Variants in NBPF12 observed in about 807,000 individuals in gnomAD.
NBPF12 encodes NBPF member 12, also known as NBPF family member NBPF12.
A neutral mutation model predicts 146.4 loss-of-function variants in NBPF12; 115 were observed. The observed-to-expected ratio is 0.79, with a 90% CI of 0.68 to 0.92. NBPF12 has a LOEUF of 0.92. Among genes scored for constraint, NBPF12 ranks in the 40% least tolerant of loss-of-function variants. NBPF12 has a pLI of 0.00. For synonymous variants in NBPF12, 385 were observed against 508.9 expected (o/e 0.76, Z 3.28); for missense variants, 1,205 against 1,326.8 (o/e 0.91, Z 1.43).
intron 11 of NBPF12, among the ~76,000 whole-genome samples, chr1:146,970,086 A>T (rs1269234214): frequency 6.7e-6 from 1 of 149,910 alleles, no homozygotes; most frequent in Non-Finnish European, 1.5e-5. Context: ...TTTCAAAATG[A>T]GATGAAGCCC....
At chr1:146,966,079 C>T (rs1178666194) in intron 8 of NBPF12, among the ~76,000 whole-genome samples, 3 of 151,738 alleles carry the variant, frequency 2.0e-5, no homozygotes, top group Non-Finnish European at 4.4e-5. Flanking sequence ...TGCACTGCAG[C>T]CTGCGCGACA....
intron 1 of NBPF12, among the ~76,000 whole-genome samples, chr1:146,940,630 T>A (rs1654758430): frequency 6.6e-6 from 1 of 151,758 alleles, no homozygotes; most frequent in Non-Finnish European, 1.5e-5. Context: ...AGAACATTAC[T>A]ATATTGGGGT....
chr1:146,970,638 T>G lies in NBPF12; in HGVS notation c.1307-9T>G. 1 of 1,549,820 alleles carries G rather than the reference T, an allele frequency of 6.5e-7. No homozygotes were observed. Among genetic ancestry groups the G allele is most frequent in the African/African-American group, 1.4e-5 (1 of 72,608 alleles). On this transcript the variant is annotated splice_polypyrimidine_tract_variant and intron_variant, in intron 11 of 33. Transcript: ENST00000617844. ...GGAAAATATCTGAACGAACATTTTGTATTTATAGAAAATGATGAAGATGAG... is the reference window on the plus strand; with the variant it reads ...GGAAAATATCTGAACGAACATTTTGGATTTATAGAAAATGATGAAGATGAG...
intron 31 of NBPF12, 150 bp from the exon 35 acceptor site, chr1:146,992,562 C>T (rs1658267869): frequency 8.5e-5 from 50 of 586,958 alleles, no homozygotes; most frequent in South Asian, 6.2e-4. Context: ...TGTTCTGTCC[C>T]AACATGAAGG....
chr1:146,953,818 C>G (rs1258708364), intron 2 of NBPF12, among the ~76,000 whole-genome samples: 1 of 150,830 alleles, frequency 6.6e-6, no homozygotes, highest in Non-Finnish European at 1.5e-5. Flanking sequence ...CAGCATTATA[C>G]TAGAGCTCTA....
chr1:146,964,353 A>C lies in NBPF12; in HGVS notation c.494-4A>C. 1 of 1,603,104 alleles carries C rather than the reference A, an allele frequency of 6.2e-7. No homozygotes were observed. Among genetic ancestry groups the C allele is most frequent in the South Asian group, 1.1e-5 (1 of 90,816 alleles). ...ATATCTGAATGAACATTTTGTATTTATAGAAAATGATGAAGATGAGGATGA... is the reference window on the plus strand; with the variant it reads ...ATATCTGAATGAACATTTTGTATTTCTAGAAAATGATGAAGATGAGGATGA... On this transcript the variant is annotated splice_polypyrimidine_tract_variant and splice_region_variant and intron_variant, in intron 6 of 33. Transcript: ENST00000617844.
In NBPF12 at chr1:146,969,291, G is replaced by T. The variant is rs1184584098; in HGVS notation, c.1092-91G>T. The T allele has an allele frequency of 9.8e-6, 7 of 711,472 alleles. No homozygotes were observed. In the African/African-American group the frequency reaches 1.1e-4, roughly 11 times the overall value. The allele number at this position is 711,472 out of a possible 1,614,324, so 44.1% of individuals were successfully genotyped here. A position where few individuals can be genotyped will look rare whatever the true frequency, so the allele number is the denominator to read the frequency against. ...TGACCTTCTGCTTGGAGGTCTCCTT[G>T]AGGACATTGTCTCAGAAATCTCTGT... is the stretch of plus-strand genomic sequence containing the variant. On this transcript the variant is annotated intron_variant, in intron 10 of 33. Transcript: ENST00000617844.
intron 8 of NBPF12, among the ~76,000 whole-genome samples, chr1:146,965,423 T>C (rs1656123032): frequency 6.6e-6 from 1 of 150,466 alleles, no homozygotes; most frequent in South Asian, 2.1e-4. Context: ...TGGGCTGAGA[T>C]GATCCTCCCA....
chr1:146,950,464 C>T (rs1231422552), intron 1 of NBPF12, among the ~76,000 whole-genome samples: 8 of 151,624 alleles, frequency 5.3e-5, no homozygotes, highest in Admixed American at 4.6e-4. Flanking sequence ...AGTCACTAAC[C>T]CAAAATAGTT....
At chr1:146,945,819 AC>A, upstream of NBPF12, among the ~76,000 whole-genome samples, 1 of 152,160 alleles carries the variant, frequency 6.6e-6, no homozygotes, top group Non-Finnish European at 1.5e-5. Context: ...TCCATAGTTT[AC>A]GTTAGAGTTC....
exon 34 of NBPF12, chr1:146,994,516 A>T (rs1658416543): frequency 7.5e-6 from 12 of 1,609,296 alleles, no homozygotes; most frequent in Non-Finnish European, 1.0e-5. Context: ...TAGCTTTTTT[A>T]CTTTGACGGT....
At chr1:146,960,544 C>A (rs1170377824) in intron 4 of NBPF12, among the ~76,000 whole-genome samples, 1 of 151,982 alleles carries the variant, frequency 6.6e-6, no homozygotes, top group Non-Finnish European at 1.5e-5. Context: ...GAGTTAAACT[C>A]ACAGTTACTG....
At chr1:146,954,969 AATATATATAT>A (rs1171967177) in intron 2 of NBPF12, among the ~76,000 whole-genome samples, 1,411 of 53,452 alleles carry the variant, frequency 0.026, 82 homozygotes, top group African/African-American at 0.079. Context: ...CCAAATAGGG[AATATATATAT>A]ATATATATAT....
At chr1:146,977,212 T>G (rs1657099283) in intron 17 of NBPF12, among the ~76,000 whole-genome samples, 1 of 137,072 alleles carries the variant, frequency 7.3e-6, no homozygotes, top group African/African-American at 2.8e-5. Flanking sequence ...CAGGGATAGC[T>G]GAGTCTTCAT....
At chr1:146,967,152 T>G (rs1370397967) in intron 9 of NBPF12, among the ~76,000 whole-genome samples, 1 of 150,514 alleles carries the variant, frequency 6.6e-6, no homozygotes, top group African/African-American at 2.5e-5. Flanking sequence ...CTGAGGGGCT[T>G]CAAGAGGAGT....
At chr1:146,961,469 A>T (rs1410022878) in intron 4 of NBPF12, among the ~76,000 whole-genome samples, 2 of 151,942 alleles carry the variant, frequency 1.3e-5, no homozygotes, top group Admixed American at 6.5e-5. Flanking sequence ...TTGAACATTA[A>T]TTGGCACAGT....
At chr1:146,961,832 G>T (rs1443987958) in intron 4 of NBPF12, among the ~76,000 whole-genome samples, 19 of 152,012 alleles carry the variant, frequency 1.2e-4, no homozygotes, top group Middle Eastern at 3.2e-3. Context: ...GTGTTTTAGA[G>T]GAGAGGCTGC....
At chr1:146,983,028 T>C in exon 20 of NBPF12, 1 of 1,608,558 alleles carries the variant, frequency 6.2e-7, no homozygotes, top group Non-Finnish European at 8.5e-7. Flanking sequence ...CTCATACCAG[T>C]CTTACAGCAG....
intron 22 of NBPF12, among the ~76,000 whole-genome samples, chr1:146,985,407 T>TA (rs1248200755): frequency 6.8e-6 from 1 of 147,102 alleles, no homozygotes; most frequent in Non-Finnish European, 1.5e-5. Flanking sequence ...AGCAACCATT[T>TA]GGGGGCACTT....
Sources: gnomAD v4.1 joint callset for allele counts (sites outside exome capture counted in the v4.1 genomes callset) on GRCh38, gnomAD v4.1.1 for gene constraint, MANE v1.5 for transcripts, NCBI Gene and HGNC (gene_info 2026-07-23, HGNC 2026-07-21) for gene names.